The following MASTL variants were observed in gnomAD, a reference collection of about 807,000 sequenced individuals.
MASTL encodes the protein microtubule associated serine/threonine kinase like.
Under a neutral mutation model 82.5 loss-of-function variants are expected in MASTL, and 54 were observed. The ratio of observed to expected loss-of-function variants is 0.65; its 90% CI spans 0.53 to 0.82. The LOEUF is 0.82. MASTL is among the 40% of genes least tolerant of loss of function. The pLI, the probability that MASTL is intolerant of heterozygous loss-of-function variation, is 0.00. For missense variants in MASTL, 950 were observed against 1,047.8 expected (o/e 0.91, Z 1.29); for synonymous variants, 323 against 368.9 (o/e 0.88, Z 1.43).
At chr10:27,186,339 G>T in intron 11 of MASTL, 40 bp from the exon 12 acceptor site, 1 of 1,570,574 alleles carries the variant, frequency 6.4e-7, no homozygotes, top group Non-Finnish European at 8.8e-7. Context: ...ACTTACTTAG[G>T]TAATGATATC....
rs536233436 is a variant in MASTL at position 27,168,921 on chromosome 10, G to A, written c.985-1023G>A. 1.1e-4 allele frequency among the ~76,000 whole-genome samples: 16 copies of A among 152,224 alleles called. No individual in the cohort carries two copies. In the East Asian group the frequency reaches 2.9e-3, roughly 28 times the overall value. On this transcript the variant is annotated intron_variant, in intron 7 of 11. Transcript: ENST00000375940. Reference sequence around the variant, plus strand: ...CACATCAAAAATAAGCACTATTAGAGTTTACTGAAGACTCACTCTACTTGA... The same window carrying A: ...CACATCAAAAATAAGCACTATTAGAATTTACTGAAGACTCACTCTACTTGA...
intron 4 of MASTL, 139 bp from the exon 5 acceptor site, chr10:27,164,925 A>C (rs1382131683): frequency 3.2e-5 from 21 of 646,868 alleles, no homozygotes; most frequent in Non-Finnish European, 5.3e-5. Context: ...GGTGTGAGCC[A>C]CCGTGCCCAG....
Position 27,165,062 on chromosome 10 carries a change from A to G in MASTL, c.554-2A>G. On this transcript the variant is annotated splice_acceptor_variant, in intron 4 of 11. Transcript: ENST00000375940. LOFTEE classifies it high-confidence loss of function. ...TTTATATACTTTTCTTTGCATACAT[A>G]GATATTAATATGATGGATATCCTTA... The G allele has an allele frequency of 6.5e-7, 1 of 1,532,806 alleles. No homozygotes were observed. The highest frequency in any genetic ancestry group is 9.0e-7 in the Non-Finnish European group (1 of 1,106,016). The allele number at this position is 1,532,806 out of a possible 1,614,324, so 95.0% of individuals were successfully genotyped here. A position where few individuals can be genotyped will look rare whatever the true frequency, so the allele number is the denominator to read the frequency against.
Position 27,155,506 on chromosome 10 carries a change from C to T in MASTL, c.80C>T (p.Pro27Leu). ...GAGGGCGTGAATAGGATCGCAGTGC[C>T]AAAACCGCCCTCCATTGAGGAATTC... ...TEEGVNRIAV[P>L]KPPSIEEFSI... Residue 27 changes from proline to leucine, a missense_variant, in exon 1 of 12, where the codon CCA becomes CTA. Transcript: ENST00000375940. The T allele has an allele frequency of 6.2e-7, 1 of 1,614,200 alleles. No homozygotes were observed. The highest frequency in any genetic ancestry group is 8.5e-7 in the Non-Finnish European group (1 of 1,180,020).
At position 27,159,209 on chromosome 10, in the gene MASTL, G is replaced by A. The variant is rs1293658271; in HGVS notation, c.325-410G>A. On this transcript the variant is annotated intron_variant, in intron 2 of 11. Transcript: ENST00000375940. This position sits in a 1 kb window ranked among gnomAD's most constrained non-coding sequence, Gnocchi z 4.0. ...CACCTCCTGGGTTCAAGCAATTCTT[G>A]TGCCTCAACCTCCCAAGTAGCTGAG... 6.6e-6 allele frequency among the ~76,000 whole-genome samples: 1 copy of A among 152,070 alleles called. No homozygotes were observed. Among genetic ancestry groups the A allele is most frequent in the East Asian group, 1.9e-4 (1 of 5,178 alleles).
rs138288481 is a variant in MASTL at position 27,186,516 on chromosome 10, G to A, written c.2620G>A (p.Val874Ile). 4.7e-3 allele frequency: 7,596 copies of A among 1,613,872 alleles called. 27 individuals carry two copies. Among genetic ancestry groups the A allele is most frequent in the South Asian group, 7.2e-3 (658 of 91,082 alleles). The change falls in exon 12 of 12, where the codon GTA becomes ATA. Residue 874 changes from valine (V) to isoleucine (I), a missense_variant. Coordinates refer to ENST00000375940, the MANE Select transcript of MASTL (RefSeq NM_001172303.3). ...EARNTAQHLT[V>I]SGFSL ...CAGGAATACTGCTCAGCACCTGACT[G>A]TATCTGGATTTAGTCTGTAGCACAA... is the stretch of plus-strand genomic sequence containing the variant.
intron 4 of MASTL, among the ~76,000 whole-genome samples, chr10:27,163,929 C>G (rs983257111): frequency 5.3e-5 from 6 of 113,208 alleles, no homozygotes; most frequent in Admixed American, 9.0e-5. Flanking sequence ...CGCGCCCAGC[C>G]TATTCATTCA....
At chr10:27,182,115 G>A (rs563969435) in intron 11 of MASTL, among the ~76,000 whole-genome samples, 1 of 151,180 alleles carries the variant, frequency 6.6e-6, no homozygotes, top group African/African-American at 2.4e-5. Flanking sequence ...GCCCAGCGTG[G>A]TGGCGTGCAC....
intron 1 of MASTL, among the ~76,000 whole-genome samples, chr10:27,158,115 T>C (rs1300960479): frequency 6.6e-6 from 1 of 152,202 alleles, no homozygotes; most frequent in Non-Finnish European, 1.5e-5. Context: ...GTCTTAACTA[T>C]TTTTTGTACG....
intron 7 of MASTL, among the ~76,000 whole-genome samples, chr10:27,168,395 A>G (rs995466949): frequency 2.6e-5 from 4 of 152,180 alleles, no homozygotes; most frequent in African/African-American, 9.6e-5. Context: ...GGATGCACCG[A>G]TGGGATTATA....
In MASTL at chr10:27,170,471, T is replaced by C; in HGVS notation, c.1512T>C (p.Ala504=). 1 of 1,614,120 alleles carries C rather than the reference T, an allele frequency of 6.2e-7. No individual in the cohort carries two copies. ...SVHKSQQNDC[A]NKENIVNSFT... Reference sequence around the variant, plus strand: ...ACAAAAGTCAACAAAATGACTGTGCTAATAAGGAGAACATTGTCAATTCTT... The same window carrying C: ...ACAAAAGTCAACAAAATGACTGTGCCAATAAGGAGAACATTGTCAATTCTT... Residue 504 remains alanine, a synonymous_variant, in exon 8 of 12, where the codon GCT becomes GCC. Coordinates refer to ENST00000375940, the MANE Select transcript of MASTL (RefSeq NM_001172303.3).
intron 5 of MASTL, 31 bp from the exon 6 acceptor site, chr10:27,165,358 C>T (rs183775906): frequency 3.7e-6 from 6 of 1,612,452 alleles, no homozygotes; most frequent in Non-Finnish European, 1.7e-6. Flanking sequence ...GGAAGGTAAA[C>T]CTGTTGTTTT....
intron 11 of MASTL, among the ~76,000 whole-genome samples, chr10:27,182,474 T>C (rs2058376453): frequency 1.3e-5 from 2 of 152,006 alleles, no homozygotes; most frequent in South Asian, 4.1e-4. Flanking sequence ...TCGGTGGGTG[T>C]GGTAGCTCAT....
At chr10:27,172,889 T>A (rs2057994698) in intron 8 of MASTL, among the ~76,000 whole-genome samples, 1 of 152,156 alleles carries the variant, frequency 6.6e-6, no homozygotes, top group South Asian at 2.1e-4. Flanking sequence ...ATCTAGATCT[T>A]ATTGGAATAA....
rs181390916 is a variant in MASTL at position 27,186,256 on chromosome 10, G to T, written c.2483-123G>T. ...TAACAGACATTAAACAAATGTCTGT[G>T]AAACTGACATAATAAAGTAAGGTAA... On this transcript the variant is annotated intron_variant, in intron 11 of 11. Coordinates refer to ENST00000375940, the MANE Select transcript of MASTL (RefSeq NM_001172303.3). 450 of 1,012,454 alleles carry T rather than the reference G, an allele frequency of 4.4e-4. No individual in the cohort carries two copies. The African/African-American group carries it at 6.5e-3, about 15-fold the overall frequency. The allele number at this position is 1,012,454 out of a possible 1,614,324, so 62.7% of individuals were successfully genotyped here.
At chr10:27,174,440 G>T (rs1257917519) in intron 9 of MASTL, among the ~76,000 whole-genome samples, 1 of 151,908 alleles carries the variant, frequency 6.6e-6, no homozygotes, top group Non-Finnish European at 1.5e-5. Context: ...TTCCCTTCCT[G>T]CATTCTGAAA....
At chr10:27,163,595 A>G (rs2057642818) in intron 4 of MASTL, among the ~76,000 whole-genome samples, 1 of 151,586 alleles carries the variant, frequency 6.6e-6, no homozygotes, top group South Asian at 2.1e-4. Flanking sequence ...TAAAACTTTC[A>G]GTATACTTTC....
rs929609563 is a variant in MASTL at position 27,167,015 on chromosome 10, C to T, written c.812-87C>T. The T allele has an allele frequency of 7.7e-6, 8 of 1,034,474 alleles. No homozygotes were observed. The African/African-American group carries it at 1.3e-4, about 17-fold the overall frequency. The allele number at this position is 1,034,474 out of a possible 1,614,324, so 64.1% of individuals were successfully genotyped here. On this transcript the variant is annotated intron_variant, in intron 6 of 11. Coordinates refer to ENST00000375940, the MANE Select transcript of MASTL (RefSeq NM_001172303.3). Reference sequence around the variant, plus strand: ...ACATATTAATATGTAATTCTTGATACTTTGCTTAATTATATGTAAAGATTC... The same window carrying T: ...ACATATTAATATGTAATTCTTGATATTTTGCTTAATTATATGTAAAGATTC...
At chr10:27,185,618 C>CAAAAA (rs34847161) in intron 11 of MASTL, among the ~76,000 whole-genome samples, 10 of 98,428 alleles carry the variant, frequency 1.0e-4, no homozygotes, top group Admixed American at 1.2e-4. Context: ...AGGTGACAGA[C>CAAAAA]AAAAAAAAAA....
Sources: allele counts gnomAD v4.1 joint callset (sites outside exome capture counted in the v4.1 genomes callset), GRCh38; gene constraint gnomAD v4.1.1; non-coding constraint Gnocchi (gnomAD v3.1); transcripts MANE v1.5; gene names NCBI Gene and HGNC (gene_info 2026-07-23, HGNC 2026-07-21).